The following PFDN1 variants were observed in gnomAD, a reference collection of about 807,000 sequenced individuals.
PFDN1 encodes prefoldin subunit 1, also known as prefoldin 1.
A neutral mutation model predicts 17.3 loss-of-function variants in PFDN1; 6 were observed. That is an observed-to-expected ratio of 0.35 (90% CI 0.19 to 0.69). The LOEUF (loss-of-function observed/expected upper bound fraction) is 0.69. PFDN1 is among the 30% of genes least tolerant of loss of function. The pLI is 0.65. For synonymous variants in PFDN1, 58 were observed against 50.1 expected, an observed-to-expected ratio of 1.16 and a Z score of -0.67; for missense variants, 113 against 146.2, an observed-to-expected ratio of 0.77 and a Z score of 1.17.
At chr5:140,256,544 T>C (rs1764987418) in intron 3 of PFDN1, among the ~76,000 whole-genome samples, 1 of 151,568 alleles carries the variant, frequency 6.6e-6, no homozygotes. Context: ...GACTTTAATA[T>C]GTTTAAAACA....
intron 2 of PFDN1, among the ~76,000 whole-genome samples, chr5:140,297,501 G>A (rs1249111801): frequency 1.3e-5 from 2 of 152,154 alleles, no homozygotes; most frequent in Non-Finnish European, 2.9e-5. Context: ...ACAATACAGG[G>A]TCAAACTCAT....
intron 2 of PFDN1, among the ~76,000 whole-genome samples, chr5:140,285,027 C>G (rs1765463933): frequency 6.6e-6 from 1 of 152,162 alleles, no homozygotes; most frequent in African/African-American, 2.4e-5. Flanking sequence ...TGTTCACCTG[C>G]CCAAAACACA....
At chr5:140,279,995 C>CAAAAAAAAAAAAAAAAAAACCAAAAAA (rs772575762) in intron 3 of PFDN1, among the ~76,000 whole-genome samples, 1 of 31,256 alleles carries the variant, frequency 3.2e-5, no homozygotes, top group Non-Finnish European at 5.3e-5. Flanking sequence ...AACTCCGTCT[C>CAAAAAAAAAAAAAAAAAAACCAAAAAA]AAAAAAAAAA....
intron 3 of PFDN1, among the ~76,000 whole-genome samples, chr5:140,270,992 A>C (rs1331366397): frequency 6.6e-6 from 1 of 152,180 alleles, no homozygotes; most frequent in Non-Finnish European, 1.5e-5. Context: ...CAATACTTCT[A>C]TGAAGGAAAT....
intron 3 of PFDN1, among the ~76,000 whole-genome samples, chr5:140,264,494 G>T (rs1263382918): frequency 2.0e-5 from 3 of 152,148 alleles, no homozygotes; most frequent in African/African-American, 7.2e-5. Context: ...TCTTAAAGAT[G>T]AACTTAAAAA....
chr5:140,262,422 C>A, intron 3 of PFDN1: 1 of 429,158 alleles, frequency 2.3e-6, no homozygotes, highest in Non-Finnish European at 4.8e-6. Context: ...CCATGAAGAA[C>A]ACGTGACCTC....
intron 2 of PFDN1, among the ~76,000 whole-genome samples, chr5:140,296,850 T>C (rs907974545): frequency 1.3e-5 from 2 of 152,192 alleles, no homozygotes; most frequent in African/African-American, 2.4e-5. Context: ...AGATGAAATA[T>C]ACATGCTATC....
chr5:140,287,618 G>A (rs1581096411), intron 2 of PFDN1, among the ~76,000 whole-genome samples: 1 of 152,094 alleles, frequency 6.6e-6, no homozygotes, highest in African/African-American at 2.4e-5. Context: ...AGAAGGTCAG[G>A]AAGTACAGTA....
rs537216148 is a variant in PFDN1, at chr5:140,283,325, C to T, written c.201-1792G>A. Among the ~76,000 whole-genome samples the T allele has an allele frequency of 7.3e-4, 111 of 152,266 alleles. No individual in the cohort carries two copies. The Middle Eastern group carries it at 0.02, about 28-fold the overall frequency. The stretch of plus-strand genomic sequence containing the variant: ...TTGGCTCACTGCAAGCTCCACCTCC[C>T]GGGTTCATGCCATTCTCCTGCCTCA... On this transcript the variant is annotated intron_variant, in intron 2 of 3. Transcript: ENST00000261813.
intron 2 of PFDN1, among the ~76,000 whole-genome samples, chr5:140,297,359 T>C (rs566588612): frequency 6.6e-6 from 1 of 152,218 alleles, no homozygotes; most frequent in Non-Finnish European, 1.5e-5. Context: ...AATTCAGAAA[T>C]AGATATCTCA....
intron 2 of PFDN1, among the ~76,000 whole-genome samples, chr5:140,296,034 G>A (rs1025121443): frequency 6.6e-6 from 1 of 152,040 alleles, no homozygotes; most frequent in African/African-American, 2.4e-5. Flanking sequence ...CAACTGGCTG[G>A]TATTTAGAAT....
Position 140,300,599 on chromosome 5 carries a change from C to A in PFDN1, c.34-17G>T. 1 of 1,560,864 alleles carries A rather than the reference C, an allele frequency of 6.4e-7. No individual in the cohort carries two copies. Among genetic ancestry groups the A allele is most frequent in the Non-Finnish European group, 8.7e-7 (1 of 1,148,512 alleles). ...TGTGAAGGCCTAATAAAAACAAGTC[C>A]ATGATTTAGTAGGTAAAACATTTTA... On this transcript the variant is annotated splice_polypyrimidine_tract_variant and intron_variant, in intron 1 of 3. Coordinates refer to ENST00000261813, the MANE Select transcript of PFDN1 (RefSeq NM_002622.5).
chr5:140,279,183 T>C lies in PFDN1; in HGVS notation c.285+2266A>G, dbSNP rs1298677630. ...TTGATATAAATATAGAAGTTTGGAA[T>C]GATACAGAAACCGTAGAGGTGACAT... is the stretch of plus-strand genomic sequence containing the variant. On this transcript the variant is annotated intron_variant, in intron 3 of 3. Coordinates refer to ENST00000261813, the MANE Select transcript of PFDN1 (RefSeq NM_002622.5). 5.3e-5 allele frequency among the ~76,000 whole-genome samples: 8 copies of C among 152,316 alleles called. No individual in the cohort carries two copies. The East Asian group carries it at 1.3e-3, about 26-fold the overall frequency.
At chr5:140,293,786 A>G (rs1041608112) in intron 2 of PFDN1, among the ~76,000 whole-genome samples, 1 of 152,012 alleles carries the variant, frequency 6.6e-6, no homozygotes, top group Non-Finnish European at 1.5e-5. Flanking sequence ...TGACTTAAAA[A>G]TCTCCTCTCC....
intron 2 of PFDN1, among the ~76,000 whole-genome samples, chr5:140,299,798 G>A (rs1158959952): frequency 5.3e-5 from 8 of 151,140 alleles, no homozygotes. Flanking sequence ...CGGATCAGGA[G>A]GTCAGGAGTT....
intron 3 of PFDN1, among the ~76,000 whole-genome samples, chr5:140,251,276 T>C (rs1475113101): frequency 1.4e-4 from 21 of 152,112 alleles, no homozygotes; most frequent in Admixed American, 1.4e-3. Flanking sequence ...ACCCCATAAA[T>C]CTATACAATT....
At chr5:140,284,591 T>C (rs973852064) in intron 2 of PFDN1, among the ~76,000 whole-genome samples, 26 of 152,346 alleles carry the variant, frequency 1.7e-4, no homozygotes, top group African/African-American at 6.3e-4. Flanking sequence ...ATGTAGAGAA[T>C]CTCATAGTCA....
At chr5:140,295,871 TAC>T (rs750693508) in intron 2 of PFDN1, among the ~76,000 whole-genome samples, 5 of 152,142 alleles carry the variant, frequency 3.3e-5, no homozygotes, top group Non-Finnish European at 7.4e-5. Flanking sequence ...AAATCTGACT[TAC>T]ATTCTGTGTG....
chr5:140,276,438 A>T (rs1038183930), intron 3 of PFDN1, among the ~76,000 whole-genome samples: 1 of 152,194 alleles, frequency 6.6e-6, no homozygotes, highest in Non-Finnish European at 1.5e-5. Flanking sequence ...AAGTGGAGAT[A>T]ACTACTTTTC....
Sources: allele counts gnomAD v4.1 joint callset (sites outside exome capture counted in the v4.1 genomes callset), GRCh38; gene constraint gnomAD v4.1.1; transcripts MANE v1.5; gene names NCBI Gene and HGNC (gene_info 2026-07-23, HGNC 2026-07-21).